TEKT3: variants seen among roughly 807,000 people sequenced by gnomAD.
TEKT3 encodes tektin 3, also known as tektin-3.
A neutral mutation model predicts 49.8 loss-of-function variants in TEKT3; 49 were observed. The observed-to-expected ratio is 0.98, with a 90% CI of 0.78 to 1.25. TEKT3 has a LOEUF of 1.25. TEKT3 is among the 50% of genes most tolerant of loss of function. TEKT3 has a pLI of 0.00. For missense variants in TEKT3, 595 were observed against 629.5 expected (o/e 0.95, Z 0.59); for synonymous variants, 225 against 237.2 (o/e 0.95, Z 0.47).
At chr17:15,323,019 C>G (rs1911331942) in intron 4 of TEKT3, among the ~76,000 whole-genome samples, 1 of 152,138 alleles carries the variant, frequency 6.6e-6, no homozygotes, top group Non-Finnish European at 1.5e-5. Context: ...GCTTCTGGTC[C>G]CACAACCTGC....
chr17:15,322,275 A>G (rs539753386), intron 4 of TEKT3, among the ~76,000 whole-genome samples: 1 of 152,360 alleles, frequency 6.6e-6, no homozygotes, highest in East Asian at 1.9e-4. Context: ...GGCGTCAGAC[A>G]GCCCTGGTTC....
chr17:15,324,338 A>T (rs890182542), intron 4 of TEKT3, among the ~76,000 whole-genome samples: 1 of 152,130 alleles, frequency 6.6e-6, no homozygotes, highest in Admixed American at 6.5e-5. Context: ...TTTTCCATTC[A>T]TCAGCTGATA....
chr17:15,339,622 T>A (rs1419102881), intron 2 of TEKT3, among the ~76,000 whole-genome samples: 2 of 152,166 alleles, frequency 1.3e-5, no homozygotes, highest in Non-Finnish European at 2.9e-5. Flanking sequence ...GACTGGAAGA[T>A]CATAAATATT....
At chr17:15,332,552 C>G (rs1487304961) in intron 2 of TEKT3, among the ~76,000 whole-genome samples, 2 of 152,156 alleles carry the variant, frequency 1.3e-5, no homozygotes, top group African/African-American at 2.4e-5. Context: ...ATAAACACTC[C>G]ATCTGGATGA....
In TEKT3 at chr17:15,304,020, G is replaced by A. The variant is rs777848796; in HGVS notation, c.1389C>T (p.Ala463=). ...TTTCCTGGTCGATGTACAGGGAATTGGCTTTGACAGCCAGGTCATACTCGA... is the reference window on the plus strand; with the variant it reads ...TTTCCTGGTCGATGTACAGGGAATTAGCTTTGACAGCCAGGTCATACTCGA... The part of the protein sequence containing the change: ...ATLEYDLAVK[A]NSLYIDQEKC... The change falls in exon 9 of 9, where the codon GCC becomes GCT. Residue 463 remains alanine, a synonymous_variant. Coordinates refer to ENST00000395930, the MANE Select transcript of TEKT3 (RefSeq NM_031898.3). This position sits in a 1 kb window ranked among gnomAD's most constrained non-coding sequence, Gnocchi z 4.7. 6.2e-7 allele frequency: 1 copy of A among 1,614,132 alleles called. No homozygotes were observed. The highest frequency in any genetic ancestry group is 1.1e-5 in the South Asian group (1 of 91,076).
chr17:15,332,416 C>G (rs1001871755), intron 2 of TEKT3, among the ~76,000 whole-genome samples: 2 of 152,136 alleles, frequency 1.3e-5, no homozygotes, highest in East Asian at 1.9e-4. Context: ...CTCTGTGCCT[C>G]GGTTGCTTCA....
At chr17:15,337,972 G>A (rs1397232320) in intron 2 of TEKT3, among the ~76,000 whole-genome samples, 1 of 152,084 alleles carries the variant, frequency 6.6e-6, no homozygotes, top group Non-Finnish European at 1.5e-5. Flanking sequence ...TATTATCGGA[G>A]ATAAAGAGAA....
chr17:15,307,049 C>A (rs1447277168), intron 8 of TEKT3: 1 of 152,238 alleles, frequency 6.6e-6, no homozygotes, highest in Non-Finnish European at 1.5e-5. Flanking sequence ...AGGAGAAATA[C>A]AACTCATCCT....
chr17:15,319,840 G>A (rs927678005), intron 4 of TEKT3, among the ~76,000 whole-genome samples: 2 of 152,156 alleles, frequency 1.3e-5, no homozygotes, highest in African/African-American at 4.8e-5. Flanking sequence ...ATGCACGTTA[G>A]AAAATGTAGC....
chr17:15,326,051 T>G (rs1368639112), intron 4 of TEKT3, among the ~76,000 whole-genome samples: 2 of 152,178 alleles, frequency 1.3e-5, no homozygotes, highest in Admixed American at 6.5e-5. Context: ...AACTCAGAGT[T>G]CTCTCAGAGA....
At chr17:15,339,393 A>G (rs138856007) in intron 2 of TEKT3, among the ~76,000 whole-genome samples, 1 of 152,224 alleles carries the variant, frequency 6.6e-6, no homozygotes, top group South Asian at 2.1e-4. Flanking sequence ...GAAATGAGAC[A>G]TGGGCTACAA....
In TEKT3 at chr17:15,314,201, T is replaced by C. The variant is rs757953696; in HGVS notation, c.764A>G (p.Glu255Gly). 7 of 1,614,060 alleles carry C rather than the reference T, an allele frequency of 4.3e-6. No homozygotes were observed. Among genetic ancestry groups the C allele is most frequent in the Admixed American group, 1.7e-5 (1 of 60,004 alleles). ...CGTCTGTTTGTCACTCAGGTCCTTT[T>C]CCAGCTCATGCTGGGACGCTCTGTT... Reference protein sequence around the residue: ...AANRASQHELEKDLSDKQTAY... With the variant: ...AANRASQHELGKDLSDKQTAY... Residue 255 changes from glutamate (E) to glycine (G), a missense_variant, in exon 6 of 9, where the codon GAA becomes GGA. Glu to Gly is a moderately conservative substitution (Grantham distance 98). Coordinates refer to ENST00000395930, the MANE Select transcript of TEKT3 (RefSeq NM_031898.3).
intron 2 of TEKT3, among the ~76,000 whole-genome samples, chr17:15,333,554 GAAACTT>G (rs1168307107): frequency 6.6e-6 from 1 of 151,996 alleles, no homozygotes; most frequent in African/African-American, 2.4e-5. Flanking sequence ...GCTTCAATTT[GAAACTT>G]AAACATTACT....
At chr17:15,334,805 C>T (rs958012059) in intron 2 of TEKT3, among the ~76,000 whole-genome samples, 5 of 152,184 alleles carry the variant, frequency 3.3e-5, no homozygotes, top group Non-Finnish European at 5.9e-5. Context: ...GAATAAAAGA[C>T]ATCACGTGGG....
intron 4 of TEKT3, among the ~76,000 whole-genome samples, chr17:15,320,482 A>T (rs1911204223): frequency 1.3e-5 from 2 of 152,198 alleles, no homozygotes; most frequent in South Asian, 4.1e-4. Context: ...TCTATCAAAT[A>T]TATCTCCTTT....
chr17:15,326,914 A>G (rs1911517171), intron 4 of TEKT3, among the ~76,000 whole-genome samples: 1 of 152,200 alleles, frequency 6.6e-6, no homozygotes. Flanking sequence ...GCGGGAGATC[A>G]GCAGAGTAGT....
intron 7 of TEKT3, chr17:15,311,004 T>C (rs1259397830): frequency 6.6e-6 from 1 of 152,220 alleles, no homozygotes; most frequent in Non-Finnish European, 1.5e-5. Flanking sequence ...CCTGGAACGG[T>C]CACTTCTCCT....
rs935059767 is a variant in TEKT3, at chr17:15,304,170, C to T, written c.1257-18G>A. Reference sequence around the variant, plus strand: ...TAACAAGGCTGCAGCATAAAGGAATCAGCATGGTTAGGTCAGCATGTAGCT... The same window carrying T: ...TAACAAGGCTGCAGCATAAAGGAATTAGCATGGTTAGGTCAGCATGTAGCT... On this transcript the variant is annotated intron_variant, in intron 8 of 8. Coordinates refer to ENST00000395930, the MANE Select transcript of TEKT3 (RefSeq NM_031898.3). The surrounding 1 kb of genome is among the most constrained non-coding windows in gnomAD (Gnocchi z 4.7). 1.4e-5 allele frequency: 23 copies of T among 1,613,692 alleles called. No homozygotes were observed. The highest frequency in any genetic ancestry group is 1.9e-5 in the Non-Finnish European group (22 of 1,179,776).
chr17:15,305,725 G>A (rs955074636), intron 8 of TEKT3, among the ~76,000 whole-genome samples: 1 of 150,858 alleles, frequency 6.6e-6, no homozygotes, highest in African/African-American at 2.4e-5. Context: ...CCAAATACGA[G>A]TCTAGTGGAA....
Sources: allele counts gnomAD v4.1 joint callset (sites outside exome capture counted in the v4.1 genomes callset), GRCh38; gene constraint gnomAD v4.1.1; non-coding constraint Gnocchi (gnomAD v3.1); transcripts MANE v1.5; gene names NCBI Gene and HGNC (gene_info 2026-07-23, HGNC 2026-07-21).